GRM7: variants seen among roughly 807,000 people sequenced by gnomAD.
GRM7 encodes the protein metabotropic glutamate receptor 7.
GRM7 carries 35 observed loss-of-function variants against 84.5 expected under a neutral mutation model. The ratio of observed to expected loss-of-function variants is 0.41; its 90% CI spans 0.32 to 0.55. The LOEUF (loss-of-function observed/expected upper bound fraction) is 0.55, where lower values mean the gene tolerates loss of function less well. Ranked by LOEUF, GRM7 falls within the 20% of genes least tolerant of loss-of-function variation. The pLI is 0.19. For synonymous variants in GRM7, 487 were observed against 455.1 expected (o/e 1.07, Z -0.89); for missense variants, 1,003 against 1,194.6 (o/e 0.84, Z 2.36).
Position 7,060,334 on chromosome 3 carries a change from C to T in GRM7, c.520-86118C>T, listed in dbSNP as rs554464234. On this transcript the variant is annotated intron_variant, in intron 1 of 9. Transcript: ENST00000357716. ...CAGGATCTTGAATTCATAGCCTCCA[C>T]CACCACCTCCTTGCATTTGGGTGGG... is the stretch of plus-strand genomic sequence containing the variant. Among the ~76,000 whole-genome samples, 7 of 151,960 alleles carry T rather than the reference C, an allele frequency of 4.6e-5. No individual in the cohort carries two copies. In the South Asian group the frequency reaches 1.4e-3, roughly 31 times the overall value.
intron 2 of GRM7, among the ~76,000 whole-genome samples, chr3:7,229,759 A>ATTTTTTTTT (rs1200808989): frequency 3.3e-5 from 1 of 30,438 alleles, no homozygotes; most frequent in African/African-American, 1.3e-4. Context: ...ATATATATAT[A>ATTTTTTTTT]TTTTTTTTTT....
chr3:7,293,017 A>G (rs1475020074), intron 2 of GRM7, among the ~76,000 whole-genome samples: 1 of 140,732 alleles, frequency 7.1e-6, no homozygotes, highest in Non-Finnish European at 1.5e-5. Flanking sequence ...CTGGGGGACA[A>G]GAGCGAGACT....
At position 7,325,257 on chromosome 3, in the gene GRM7, C is replaced by T. The variant is rs191894809; in HGVS notation, c.1033+18605C>T. Among the ~76,000 whole-genome samples, 380 of 152,268 alleles carry T rather than the reference C, an allele frequency of 2.5e-3. 1 individual carries two copies. Among genetic ancestry groups the T allele is most frequent in the Non-Finnish European group, 3.5e-3 (239 of 68,014 alleles). On this transcript the variant is annotated intron_variant, in intron 4 of 9. Coordinates refer to ENST00000357716, the MANE Select transcript of GRM7 (RefSeq NM_000844.4). ...AGGTGAGGGAGATGGTTACTTCCTT[C>T]GTTAGGTCTTGTTTTACCTAAAGGG... is the stretch of plus-strand genomic sequence containing the variant.
intron 8 of GRM7, among the ~76,000 whole-genome samples, chr3:7,598,068 G>T (rs1327521236): frequency 1.3e-5 from 2 of 152,104 alleles, no homozygotes; most frequent in Admixed American, 6.6e-5. Flanking sequence ...TTGTTTCCTG[G>T]CAAACAGTGA....
In GRM7 at chr3:7,412,827, ACT is replaced by A. The variant is rs1352250417; in HGVS notation, c.1034-2193_1034-2192del. Among the ~76,000 whole-genome samples the A allele has an allele frequency of 4.6e-5, 7 of 151,424 alleles. No individual in the cohort carries two copies. In the East Asian group the frequency reaches 1.4e-3, roughly 29 times the overall value. ...AGAATGATCTTTTTCCTTTAACATG[ACT>A]CTGATTCTGTTTCCAGCGAACCAAA... On this transcript the variant is annotated intron_variant, in intron 4 of 9. Transcript: ENST00000357716.
intron 1 of GRM7, among the ~76,000 whole-genome samples, chr3:7,087,544 G>C (rs1698502988): frequency 6.6e-6 from 1 of 152,190 alleles, no homozygotes; most frequent in South Asian, 2.1e-4. Context: ...GGAAAAGAAA[G>C]ACATAGACTT....
intron 5 of GRM7, among the ~76,000 whole-genome samples, chr3:7,436,771 C>T (rs551330157): frequency 6.6e-6 from 1 of 152,316 alleles, no homozygotes; most frequent in East Asian, 1.9e-4. Context: ...TTCTCTGGCC[C>T]TCCCCTGTGC....
intron 1 of GRM7, among the ~76,000 whole-genome samples, chr3:7,065,456 C>A (rs765238515): frequency 3.3e-5 from 5 of 151,812 alleles, no homozygotes; most frequent in Non-Finnish European, 5.9e-5. Flanking sequence ...TATCCTTTCC[C>A]CACTTTATGT....
At chr3:7,354,766 A>G (rs1371326144) in intron 4 of GRM7, among the ~76,000 whole-genome samples, 1 of 152,172 alleles carries the variant, frequency 6.6e-6, no homozygotes, top group Non-Finnish European at 1.5e-5. Flanking sequence ...TATTGCTTGA[A>G]AAAGTTAACA....
chr3:7,718,946 G>C (rs1701849041), intron 9 of GRM7, among the ~76,000 whole-genome samples: 1 of 152,192 alleles, frequency 6.6e-6, no homozygotes, highest in South Asian at 2.1e-4. Flanking sequence ...TGTCTCATAT[G>C]TTTGTGCATC....
intron 4 of GRM7, among the ~76,000 whole-genome samples, chr3:7,371,442 G>A (rs1694129225): frequency 6.6e-6 from 1 of 152,046 alleles, no homozygotes; most frequent in South Asian, 2.1e-4. Context: ...GTAATAGATG[G>A]TTTACAAAAC....
intron 4 of GRM7, among the ~76,000 whole-genome samples, chr3:7,369,933 G>A (rs1312726999): frequency 1.3e-5 from 2 of 151,892 alleles, no homozygotes; most frequent in African/African-American, 4.8e-5. Context: ...CGATCTAGTC[G>A]AGGATCCCAC....
chr3:7,155,849 C>G (rs1694431233), intron 2 of GRM7, among the ~76,000 whole-genome samples: 1 of 152,124 alleles, frequency 6.6e-6, no homozygotes, highest in Non-Finnish European at 1.5e-5. Flanking sequence ...GACTGACTTT[C>G]AAATAATAGT....
intron 1 of GRM7, among the ~76,000 whole-genome samples, chr3:7,055,412 C>G (rs1045710325): frequency 6.6e-6 from 1 of 151,406 alleles, no homozygotes; most frequent in Admixed American, 6.6e-5. Context: ...TGGAGTCAGG[C>G]TAACGATTTC....
chr3:7,676,801 G>T (rs1700140106), intron 8 of GRM7, among the ~76,000 whole-genome samples: 1 of 152,150 alleles, frequency 6.6e-6, no homozygotes, highest in East Asian at 1.9e-4. Flanking sequence ...ATGCTGTAAA[G>T]GTTTGTAGCC....
intron 2 of GRM7, among the ~76,000 whole-genome samples, chr3:7,162,886 A>C (rs144134233): frequency 6.6e-6 from 1 of 150,730 alleles, no homozygotes; most frequent in Non-Finnish European, 1.5e-5. Context: ...CAGCCTACTT[A>C]GTAGCTGAGA....
chr3:7,454,316 A>C (rs966912208), intron 6 of GRM7, among the ~76,000 whole-genome samples: 3 of 152,180 alleles, frequency 2.0e-5, no homozygotes, highest in African/African-American at 7.2e-5. Flanking sequence ...CATAGGAGAA[A>C]GCACACTCTG....
chr3:7,044,023 C>T (rs554487488), intron 1 of GRM7, among the ~76,000 whole-genome samples: 1 of 152,192 alleles, frequency 6.6e-6, no homozygotes, highest in African/African-American at 2.4e-5. Context: ...ATCTCATTAA[C>T]TTTAGCTCAT....
intron 2 of GRM7, among the ~76,000 whole-genome samples, chr3:7,157,237 T>C (rs1428746573): frequency 6.6e-6 from 1 of 152,130 alleles, no homozygotes; most frequent in Non-Finnish European, 1.5e-5. Context: ...GCTATAGGTA[T>C]GTGGGGTAGT....
Sources: gnomAD v4.1 joint callset for allele counts (sites outside exome capture counted in the v4.1 genomes callset) on GRCh38, gnomAD v4.1.1 for gene constraint, MANE v1.5 for transcripts, NCBI Gene and HGNC (gene_info 2026-07-23, HGNC 2026-07-21) for gene names.